COL4A2: variants seen among roughly 807,000 people sequenced by gnomAD.
The protein encoded by COL4A2 is collagen type IV alpha 2 chain.
COL4A2 carries 99 observed loss-of-function variants against 200.2 expected under a neutral mutation model. The observed-to-expected ratio is 0.49, with a 90% CI of 0.42 to 0.58. COL4A2 has a LOEUF of 0.58. Among genes scored for constraint, COL4A2 ranks in the 20% least tolerant of loss-of-function variants. COL4A2 has a pLI of 0.00. For synonymous variants in COL4A2, 897 were observed against 900.6 expected (o/e 1.00, Z 0.07); for missense variants, 1,950 against 2,314.1 (o/e 0.84, Z 3.23).
intron 31 of COL4A2, 33 bp from the exon 32 acceptor site, chr13:110,482,483 T>C: frequency 6.2e-7 from 1 of 1,607,916 alleles, no homozygotes; most frequent in Non-Finnish European, 8.5e-7. Context: ...TTTATTCATG[T>C]CTAACCCAGC....
rs1171850185 is a variant in COL4A2 at position 110,385,968 on chromosome 13, T to TA, written c.180+28416_180+28417insA. 3.0e-5 allele frequency among the ~76,000 whole-genome samples: 4 copies of TA among 135,536 alleles called. 1 individual carries two copies. Among genetic ancestry groups the TA allele is most frequent in the African/African-American group, 5.8e-5 (2 of 34,456 alleles). The allele number at this position is 135,536 out of a possible 152,430, so 88.9% of individuals were successfully genotyped here. A position where few individuals can be genotyped will look rare whatever the true frequency, so the allele number is the denominator to read the frequency against. ...ATGGGCCGTGGTCACAGCGTGTGGA[T>TA]GGGCCGTGGTCACAGCGTGTGGATG... On this transcript the variant is annotated intron_variant, in intron 4 of 47. Transcript: ENST00000360467.
Position 110,307,353 on chromosome 13 carries a change from C to T in COL4A2, c.-220C>T, listed in dbSNP as rs1285340381. 4.7e-5 allele frequency: 13 copies of T among 274,422 alleles called. No individual in the cohort carries two copies. The highest frequency in any genetic ancestry group is 8.1e-5 in the Non-Finnish European group (12 of 147,708). The allele number at this position is 274,422 out of a possible 1,614,324, so 17.0% of individuals were successfully genotyped here. A position where few individuals can be genotyped will look rare whatever the true frequency, so the allele number is the denominator to read the frequency against. ...CACTCAAGAGGCTCCCGCGTCCCAA[C>T]CCCTCGCGCCCGCGCGTTCGCGGAT... On this transcript the variant is annotated 5_prime_UTR_variant, in exon 1 of 48. Coordinates refer to ENST00000360467, the MANE Select transcript of COL4A2 (RefSeq NM_001846.4). This position sits in a 1 kb window ranked among gnomAD's most constrained non-coding sequence, Gnocchi z 5.0.
chr13:110,311,494 G>A (rs981460759), intron 3 of COL4A2, among the ~76,000 whole-genome samples: 10 of 152,148 alleles, frequency 6.6e-5, no homozygotes, highest in Non-Finnish European at 1.3e-4. Context: ...AAGCCTCTGC[G>A]TCCTAGTTCT....
chr13:110,389,565 C>T (rs370466890), intron 4 of COL4A2, among the ~76,000 whole-genome samples: 1 of 152,212 alleles, frequency 6.6e-6, no homozygotes, highest in African/African-American at 2.4e-5. Flanking sequence ...TCTCAGACCC[C>T]TCTGTCTTCC....
At position 110,318,311 on chromosome 13, in the gene COL4A2, T is replaced by C. The variant is rs148158938; in HGVS notation, c.99+10188T>C. 3.1e-3 allele frequency among the ~76,000 whole-genome samples: 459 copies of C among 149,586 alleles called. 2 individuals are homozygous for C. Among genetic ancestry groups the C allele is most frequent in the African/African-American group, 0.011 (448 of 39,842 alleles). On this transcript the variant is annotated intron_variant, in intron 3 of 47. Transcript: ENST00000360467. ...CCGTGAAGTCTGATCAGTGTGTGTG[T>C]GCGCGCGGGTATGGTTTGGGTTGTC...
At chr13:110,326,333 T>C (rs565639043) in intron 3 of COL4A2, among the ~76,000 whole-genome samples, 1 of 152,326 alleles carries the variant, frequency 6.6e-6, no homozygotes, top group South Asian at 2.1e-4. Context: ...GTGTCTGGCA[T>C]AGAATAAACA....
Position 110,473,023 on chromosome 13 carries a change from C to A in COL4A2, c.2298C>A (p.Pro766=). Residue 766 remains proline, a synonymous_variant, in exon 29 of 48, where the codon CCC becomes CCA. Transcript: ENST00000360467. Reference sequence around the variant, plus strand: ...TCGGCCTGCCAGGGCCAGATGGGCCCCCTGGGGAAAGGGGCCTCCCTGGAG... The same window carrying A: ...TCGGCCTGCCAGGGCCAGATGGGCCACCTGGGGAAAGGGGCCTCCCTGGAG... ...GPIGLPGPDG[P]PGERGLPGEV... The A allele has an allele frequency of 1.3e-6, 2 of 1,516,574 alleles. No individual in the cohort carries two copies. Among genetic ancestry groups the A allele is most frequent in the Non-Finnish European group, 1.8e-6 (2 of 1,133,090 alleles). 93.9% of individuals were successfully genotyped at this position (1,516,574 alleles called of 1,614,324 possible).
chr13:110,403,089 G>A (rs1406304585), intron 4 of COL4A2, among the ~76,000 whole-genome samples: 2 of 96,720 alleles, frequency 2.1e-5, no homozygotes, highest in Non-Finnish European at 2.6e-5. Context: ...GATTGCCTCC[G>A]GAGGTCCTTC....
intron 3 of COL4A2, among the ~76,000 whole-genome samples, chr13:110,317,493 C>T (rs1885170895): frequency 6.6e-6 from 1 of 152,222 alleles, no homozygotes; most frequent in Admixed American, 6.5e-5. Flanking sequence ...GAGCATCAAA[C>T]AGACCTGTTT....
chr13:110,493,156 CGAT>C (rs1566565672), intron 38 of COL4A2, 52 bp from the exon 39 acceptor site: 3 of 1,607,702 alleles, frequency 1.9e-6, no homozygotes, highest in Non-Finnish European at 1.7e-6. Flanking sequence ...AAATAAATAA[CGAT>C]GAGTGACACC....
chr13:110,457,506 A>G (rs1450342080), intron 21 of COL4A2, 71 bp downstream of exon 21: 1 of 906,606 alleles, frequency 1.1e-6, no homozygotes, highest in Non-Finnish European at 1.8e-6. Context: ...ACAGAAGGTG[A>G]AATCCATCCC....
intron 39 of COL4A2, among the ~76,000 whole-genome samples, chr13:110,494,034 C>G (rs1019228018): frequency 3.0e-4 from 46 of 151,912 alleles, no homozygotes; most frequent in African/African-American, 9.9e-4. Flanking sequence ...GAGAATGACA[C>G]AATCAGTCCA....
chr13:110,309,864 G>T (rs1337284331), intron 3 of COL4A2, among the ~76,000 whole-genome samples: 1 of 152,136 alleles, frequency 6.6e-6, no homozygotes, highest in African/African-American at 2.4e-5. Flanking sequence ...GGTGGCGCTT[G>T]CCTGTAATTC....
At chr13:110,468,649 T>C (rs1882345151) in intron 27 of COL4A2, among the ~76,000 whole-genome samples, 1 of 152,144 alleles carries the variant, frequency 6.6e-6, no homozygotes, top group Non-Finnish European at 1.5e-5. Flanking sequence ...TGAGGGTGGG[T>C]TTGATCACAC....
At chr13:110,450,492 T>C (rs1881498822) in intron 20 of COL4A2, 38 bp downstream of exon 20, 1 of 1,608,700 alleles carries the variant, frequency 6.2e-7, no homozygotes. Context: ...TGTAGCCTAA[T>C]GTTCAGATGA....
intron 34 of COL4A2, among the ~76,000 whole-genome samples, chr13:110,488,986 T>C (rs1015566884): frequency 2.6e-5 from 4 of 152,032 alleles, no homozygotes; most frequent in Admixed American, 6.6e-5. Flanking sequence ...TCCCAGCACT[T>C]TGGGAAGCAG....
chr13:110,503,356 GTCC>G (rs753172033), intron 42 of COL4A2, 24 bp from the exon 43 acceptor site: 2 of 1,588,488 alleles, frequency 1.3e-6, no homozygotes, highest in Non-Finnish European at 1.7e-6. Context: ...AGACTTTCGT[GTCC>G]CTAACGTCTT....
chr13:110,326,775 T>C (rs752370121), intron 3 of COL4A2, among the ~76,000 whole-genome samples: 1 of 152,170 alleles, frequency 6.6e-6, no homozygotes, highest in Non-Finnish European at 1.5e-5. Flanking sequence ...ATCTATTTCC[T>C]GGTGGTCAAC....
chr13:110,427,512 A>G (rs955797250), intron 6 of COL4A2, among the ~76,000 whole-genome samples: 4 of 152,220 alleles, frequency 2.6e-5, no homozygotes, highest in Admixed American at 6.5e-5. Context: ...AGACATCCCA[A>G]TGCTCTCAAA....
Sources: gnomAD v4.1 joint callset for allele counts (sites outside exome capture counted in the v4.1 genomes callset) on GRCh38, gnomAD v4.1.1 for gene constraint, Gnocchi (gnomAD v3.1) non-coding constraint, MANE v1.5 for transcripts, NCBI Gene and HGNC (gene_info 2026-07-23, HGNC 2026-07-21) for gene names.